MSR1: variants seen among roughly 807,000 people sequenced by gnomAD.
The protein encoded by MSR1 is macrophage scavenger receptor types I and II.
A neutral mutation model predicts 47.2 loss-of-function variants in MSR1; 53 were observed. The ratio of observed to expected loss-of-function variants is 1.12; its 90% CI spans 0.90 to 1.41. The LOEUF (loss-of-function observed/expected upper bound fraction) is 1.41, where lower values mean the gene tolerates loss of function less well. Among genes scored for constraint, MSR1 ranks in the 40% most tolerant of loss-of-function variants. The pLI is 0.00. For synonymous variants in MSR1, 239 were observed against 185.6 expected (o/e 1.29, Z -2.34); for missense variants, 786 against 546.9 (o/e 1.44, Z -4.36).
chr8:16,166,017 G>T (rs1360889852), intron 4 of MSR1, among the ~76,000 whole-genome samples: 1 of 152,026 alleles, frequency 6.6e-6, no homozygotes, highest in African/African-American at 2.4e-5. Flanking sequence ...ACTTAATTTA[G>T]GGGGCTAAAA....
intron 8 of MSR1, among the ~76,000 whole-genome samples, chr8:16,133,518 T>C (rs189302223): frequency 6.6e-6 from 1 of 152,248 alleles, no homozygotes; most frequent in East Asian, 1.9e-4. Flanking sequence ...GTTAAAACTT[T>C]GGATAACTTT....
intron 1 of MSR1, among the ~76,000 whole-genome samples, chr8:16,187,533 C>T (rs114716333): frequency 0.011 from 1,641 of 152,112 alleles, 32 homozygotes; most frequent in African/African-American, 0.037. Context: ...TTTGTCTTGT[C>T]TATCATCTGT....
intron 9 of MSR1, among the ~76,000 whole-genome samples, chr8:16,118,498 G>A (rs1175934477): frequency 6.6e-6 from 1 of 152,114 alleles, no homozygotes; most frequent in Non-Finnish European, 1.5e-5. Flanking sequence ...AGCACTTTGG[G>A]AAGCCAAAAA....
chr8:16,168,924 A>C, intron 3 of MSR1, 54 bp from the exon 4 acceptor site: 2 of 1,517,482 alleles, frequency 1.3e-6, no homozygotes, highest in Non-Finnish European at 1.8e-6. Flanking sequence ...GAATGCATAC[A>C]GGATCCCATC....
At chr8:16,133,697 G>C (rs1563144947) in intron 8 of MSR1, among the ~76,000 whole-genome samples, 1 of 152,052 alleles carries the variant, frequency 6.6e-6, no homozygotes, top group Non-Finnish European at 1.5e-5. Context: ...CCATTGCTTT[G>C]ATTATGCATT....
intron 9 of MSR1, among the ~76,000 whole-genome samples, chr8:16,112,932 A>AT (rs922804275): frequency 0.029 from 3,597 of 124,330 alleles, 105 homozygotes; most frequent in East Asian, 0.13. Context: ...TTGATTATAT[A>AT]TTTTTTTTAA....
intron 6 of MSR1, among the ~76,000 whole-genome samples, chr8:16,154,025 A>T (rs1051287986): frequency 1.3e-5 from 2 of 151,812 alleles, no homozygotes; most frequent in Non-Finnish European, 2.9e-5. Flanking sequence ...GTGTACCTGG[A>T]TGTATATCAT....
intron 3 of MSR1, among the ~76,000 whole-genome samples, chr8:16,173,406 A>G (rs1330718697): frequency 6.6e-6 from 1 of 152,208 alleles, no homozygotes; most frequent in Non-Finnish European, 1.5e-5. Flanking sequence ...TAATCCCAAC[A>G]ATGAAGCATC....
In MSR1 at chr8:16,168,950, C is replaced by T. The variant is rs191652354; in HGVS notation, c.218-80G>A. ...GGATCCCATCCCATATCATTCCATTCCGTTCATTTTATTCCATTCCATTCC... is the reference window on the plus strand; with the variant it reads ...GGATCCCATCCCATATCATTCCATTTCGTTCATTTTATTCCATTCCATTCC... On this transcript the variant is annotated intron_variant, in intron 3 of 9. Transcript: ENST00000262101. The T allele has an allele frequency of 6.5e-4, 901 of 1,394,648 alleles. 4 individuals carry two copies. Among genetic ancestry groups the T allele is most frequent in the Middle Eastern group, 4.3e-3 (21 of 4,842 alleles). 86.4% of individuals were successfully genotyped at this position (1,394,648 alleles called of 1,614,324 possible).
At chr8:16,174,483 G>A (rs1282433877) in intron 3 of MSR1, among the ~76,000 whole-genome samples, 1 of 152,138 alleles carries the variant, frequency 6.6e-6, no homozygotes, top group African/African-American at 2.4e-5. Flanking sequence ...ATCTACCCTT[G>A]TAGAAACAGT....
At chr8:16,169,387 G>T (rs1305610681) in intron 3 of MSR1, among the ~76,000 whole-genome samples, 1 of 152,114 alleles carries the variant, frequency 6.6e-6, no homozygotes, top group Non-Finnish European at 1.5e-5. Flanking sequence ...TCTTTCACTT[G>T]AGCTGCCAGA....
At position 16,109,312 on chromosome 8, in the gene MSR1, A is replaced by G. The variant is rs1175967375; in HGVS notation, c.*773T>C. On this transcript the variant is annotated 3_prime_UTR_variant, in exon 10 of 10. Coordinates refer to ENST00000262101, the MANE Select transcript of MSR1 (RefSeq NM_138715.3). ...GATTAATCAGATTTAAATTTTAAAC[A>G]CCATGTCCTAGAATTGTAACAAGCT... 6.6e-6 allele frequency: 1 copy of G among 152,090 alleles called. No homozygotes were observed. Among genetic ancestry groups the G allele is most frequent in the Non-Finnish European group, 1.5e-5 (1 of 68,006 alleles). 9.4% of individuals were successfully genotyped at this position (152,090 alleles called of 1,614,324 possible).
At chr8:16,159,198 A>G (rs1235504828) in intron 5 of MSR1, among the ~76,000 whole-genome samples, 3 of 151,370 alleles carry the variant, frequency 2.0e-5, no homozygotes, top group Non-Finnish European at 2.9e-5. Flanking sequence ...ATAAAAATCA[A>G]TATTTCTTTT....
At position 16,120,477 on chromosome 8, in the gene MSR1, C is replaced by T. The variant is rs1481887954; in HGVS notation, c.1163G>A (p.Cys388Tyr). 2.5e-6 allele frequency: 4 copies of T among 1,613,894 alleles called. No individual in the cohort carries two copies. Among genetic ancestry groups the T allele is most frequent in the Non-Finnish European group, 3.4e-6 (4 of 1,179,952 alleles). ...AACACCTGGGTATCCCAAGCTCCTA[C>T]AGACGACCTGTCCAACGCGCACTTC... ...RWEVRVGQVV[C>Y]RSLGYPGVQA... Residue 388 changes from cysteine to tyrosine, a missense_variant, in exon 9 of 10, where the codon TGT (cysteine) becomes TAT (tyrosine). Physicochemically the swap from Cys to Tyr is radical, Grantham distance 194 (BLOSUM62 -2). Coordinates refer to ENST00000262101, the MANE Select transcript of MSR1 (RefSeq NM_138715.3).
intron 8 of MSR1, chr8:16,121,214 G>C (rs1016333095): frequency 1.2e-5 from 5 of 400,254 alleles, no homozygotes; most frequent in Non-Finnish European, 2.4e-5. Context: ...TTCCTCTTTA[G>C]AAAAAAATAT....
chr8:16,160,713 T>A (rs1465260376), intron 5 of MSR1, among the ~76,000 whole-genome samples: 1 of 151,944 alleles, frequency 6.6e-6, no homozygotes, highest in Non-Finnish European at 1.5e-5. Context: ...GAGAAGAACC[T>A]TTCAAGAGAA....
At chr8:16,133,059 G>T (rs1357562066) in intron 8 of MSR1, among the ~76,000 whole-genome samples, 1 of 152,034 alleles carries the variant, frequency 6.6e-6, no homozygotes, top group Non-Finnish European at 1.5e-5. Flanking sequence ...TTTATGAGGT[G>T]AATCACATTT....
At chr8:16,110,955 C>CT (rs978735193) in intron 9 of MSR1, among the ~76,000 whole-genome samples, 118 of 152,026 alleles carry the variant, frequency 7.8e-4, no homozygotes, top group African/African-American at 2.7e-3. Flanking sequence ...AGTATTGAGG[C>CT]TTTTTTACTT....
At chr8:16,187,061 A>C (rs1468754273) in intron 1 of MSR1, among the ~76,000 whole-genome samples, 2 of 151,588 alleles carry the variant, frequency 1.3e-5, no homozygotes, top group Non-Finnish European at 2.9e-5. Flanking sequence ...TTCTCGTCTC[A>C]CTCAGGCCGT....
Sources: gnomAD v4.1 joint callset for allele counts (sites outside exome capture counted in the v4.1 genomes callset) on GRCh38, gnomAD v4.1.1 for gene constraint, MANE v1.5 for transcripts, NCBI Gene and HGNC (gene_info 2026-07-23, HGNC 2026-07-21) for gene names.